The following TGM4 variants were observed in gnomAD, a reference collection of about 807,000 sequenced individuals.
The protein encoded by TGM4 is protein-glutamine gamma-glutamyltransferase 4.
TGM4 carries 61 observed loss-of-function variants against 76.3 expected under a neutral mutation model. That is an observed-to-expected ratio of 0.80 (90% CI 0.65 to 0.99). TGM4 has a LOEUF of 0.99. TGM4 is among the 50% of genes least tolerant of loss of function. The pLI, the probability that TGM4 is intolerant of heterozygous loss-of-function variation, is 0.00. For synonymous variants in TGM4, 337 were observed against 329.8 expected (o/e 1.02, Z -0.24); for missense variants, 794 against 843.2 (o/e 0.94, Z 0.72).
intron 3 of TGM4, among the ~76,000 whole-genome samples, chr3:44,889,518 G>A (rs1443097533): frequency 6.6e-6 from 1 of 152,160 alleles, no homozygotes; most frequent in South Asian, 2.1e-4. Context: ...AAAAAAAAGG[G>A]GGAAGAGTAG....
intron 5 of TGM4, among the ~76,000 whole-genome samples, chr3:44,895,084 C>T (rs999567765): frequency 1.3e-4 from 20 of 151,932 alleles, no homozygotes; most frequent in African/African-American, 4.1e-4. Flanking sequence ...TCATGAGGCC[C>T]GGAGATCGAG....
intron 3 of TGM4, 125 bp from the exon 4 acceptor site, chr3:44,890,478 T>C: frequency 1.4e-6 from 2 of 1,394,942 alleles, no homozygotes; most frequent in South Asian, 2.7e-5. Flanking sequence ...TGACCATTCC[T>C]TGTCTCCAGG....
chr3:44,895,531 G>T (rs1008883423), intron 5 of TGM4, among the ~76,000 whole-genome samples: 31 of 152,238 alleles, frequency 2.0e-4, no homozygotes, highest in African/African-American at 7.5e-4. Context: ...TGTGGGGAGG[G>T]GGGACTGCAG....
chr3:44,909,599 C>T (rs1214082554), intron 10 of TGM4, among the ~76,000 whole-genome samples: 5 of 152,100 alleles, frequency 3.3e-5, no homozygotes, highest in African/African-American at 1.2e-4. Context: ...TTTAGCGGAA[C>T]TCCAAAACCA....
At chr3:44,910,735 G>A (rs764178608) in intron 11 of TGM4, among the ~76,000 whole-genome samples, 4 of 152,198 alleles carry the variant, frequency 2.6e-5, no homozygotes, top group Non-Finnish European at 5.9e-5. Context: ...TGATGACAAC[G>A]GGTAATGTCT....
At chr3:44,900,372 G>C (rs1474523030) in intron 6 of TGM4, among the ~76,000 whole-genome samples, 1 of 152,140 alleles carries the variant, frequency 6.6e-6, no homozygotes, top group Non-Finnish European at 1.5e-5. Context: ...GTCTGGCGGT[G>C]GCCTCTGCTC....
chr3:44,897,922 T>A (rs377338285), intron 6 of TGM4, among the ~76,000 whole-genome samples: 1 of 152,338 alleles, frequency 6.6e-6, no homozygotes. Flanking sequence ...TCATATCTGC[T>A]TCTGCATTCA....
At chr3:44,901,468 C>A in intron 6 of TGM4, 56 bp from the exon 7 acceptor site, 1 of 1,530,162 alleles carries the variant, frequency 6.5e-7, no homozygotes. Context: ...GCTGGGCTGG[C>A]AGCACCTTGT....
Position 44,907,011 on chromosome 3 carries a change from T to C in TGM4, c.1138T>C (p.Tyr380His), listed in dbSNP as rs1206022116. 2.5e-6 allele frequency: 4 copies of C among 1,614,134 alleles called. No individual in the cohort carries two copies. In the Admixed American group the frequency reaches 6.7e-5, roughly 27 times the overall value. ...CCGCAAAGGTGACATCTTTATTGTC[T>C]ATGACACCAGATTCGTCTTCTCAGA... is the stretch of plus-strand genomic sequence containing the variant. ...AIRKGDIFIV[Y>H]DTRFVFSEVN... The change falls in exon 10 of 14, where the codon TAT (tyrosine) becomes CAT (histidine). Residue 380 changes from tyrosine (Y) to histidine (H), a missense_variant. By Grantham distance (83) the Tyr-to-His change is moderately conservative. Transcript: ENST00000296125.
At chr3:44,898,552 C>T (rs998499592) in intron 6 of TGM4, among the ~76,000 whole-genome samples, 2 of 152,228 alleles carry the variant, frequency 1.3e-5, no homozygotes, top group Admixed American at 1.3e-4. Flanking sequence ...GAGGACCACT[C>T]TCCAAAGGTC....
Position 44,901,794 on chromosome 3 carries a change from G to T in TGM4, c.834G>T (p.Val278=), listed in dbSNP as rs753529626. 1 of 1,613,952 alleles carries T rather than the reference G, an allele frequency of 6.2e-7. No individual in the cohort carries two copies. The highest frequency in any genetic ancestry group is 8.5e-7 in the Non-Finnish European group (1 of 1,179,992). ...CCACCCCACCCTGGATCATTTCAGT[G>T]CTGAGAGCGTTGGGCATCCCAGCAC... ...CWVFAGILTT[V]LRALGIPARS... The change falls in exon 8 of 14, where the codon GTG becomes GTT. Residue 278 remains valine, a splice_region_variant and synonymous_variant. Coordinates refer to ENST00000296125, the MANE Select transcript of TGM4 (RefSeq NM_003241.4).
At chr3:44,890,380 G>A (rs947269413) in intron 3 of TGM4, 3 of 519,222 alleles carry the variant, frequency 5.8e-6, no homozygotes, top group African/African-American at 5.7e-5. Context: ...GCCCTTGCAA[G>A]ACGTGCCAAA....
chr3:44,899,880 A>ATC (rs1433489821), intron 6 of TGM4, among the ~76,000 whole-genome samples: 2 of 152,172 alleles, frequency 1.3e-5, no homozygotes, highest in African/African-American at 4.8e-5. Flanking sequence ...CTTCCATCAG[A>ATC]GTGAGCAAAT....
chr3:44,903,776 C>A (rs1699885043), intron 8 of TGM4, 108 bp from the exon 9 acceptor site: 2 of 1,033,520 alleles, frequency 1.9e-6, no homozygotes, highest in African/African-American at 3.1e-5. Flanking sequence ...CTGAGAACAA[C>A]CTCAGTGGGT....
At chr3:44,891,056 A>G (rs1465170356) in intron 4 of TGM4, among the ~76,000 whole-genome samples, 1 of 152,200 alleles carries the variant, frequency 6.6e-6, no homozygotes, top group South Asian at 2.1e-4. Flanking sequence ...TGCCAGCTCC[A>G]GGTCAGGGCC....
Position 44,913,773 on chromosome 3 carries a change from C to T in TGM4, c.*48C>T. ...TTAGTTGAGATTTCAGCATTTCCTA[C>T]CTTGTGCTTAGCTTTCAGATTATGG... On this transcript the variant is annotated 3_prime_UTR_variant, in exon 14 of 14. Transcript: ENST00000296125. The T allele has an allele frequency of 1.9e-6, 3 of 1,582,976 alleles. No individual in the cohort carries two copies. Among genetic ancestry groups the T allele is most frequent in the Non-Finnish European group, 2.6e-6 (3 of 1,166,854 alleles).
chr3:44,890,701 C>A lies in TGM4; in HGVS notation c.399C>A (p.Ile133=), dbSNP rs1221883800. 4 of 1,614,068 alleles carry A rather than the reference C, an allele frequency of 2.5e-6. No homozygotes were observed. Among genetic ancestry groups the A allele is most frequent in the African/African-American group, 2.7e-5 (2 of 74,938 alleles). ...ACATCCTTAAGTCTGAAGAAAACAT[C>A]CTATACCTTCTCTTCAACCCATGGT... is the stretch of plus-strand genomic sequence containing the variant. ...GNHILKSEEN[I]LYLLFNPWCK... Residue 133 remains isoleucine, a synonymous_variant, in exon 4 of 14, where the codon ATC becomes ATA. Coordinates refer to ENST00000296125, the MANE Select transcript of TGM4 (RefSeq NM_003241.4).
At position 44,895,310 on chromosome 3, in the gene TGM4, A is replaced by G. The variant is rs541891701; in HGVS notation, c.550-1399A>G. Among the ~76,000 whole-genome samples the G allele has an allele frequency of 1.4e-3, 211 of 151,972 alleles. 2 individuals carry two copies. Among genetic ancestry groups the G allele is most frequent in the African/African-American group, 4.5e-3 (188 of 41,428 alleles). ...ACTCCATCTTGAAAAAGAAAAAAAG[A>G]AAATCAAGCGGTGATTTTAAGAAGC... On this transcript the variant is annotated intron_variant, in intron 5 of 13. Transcript: ENST00000296125.
At position 44,914,672 on chromosome 3, in the gene TGM4, C is replaced by T. The variant is rs1700059727; in HGVS notation, c.*947C>T. On this transcript the variant is annotated 3_prime_UTR_variant, in exon 14 of 14. Coordinates refer to ENST00000296125, the MANE Select transcript of TGM4 (RefSeq NM_003241.4). Reference sequence around the variant, plus strand: ...TAAATGTGCTGGCGGTTTATGCAGTCACTTGGGGAGCCATGGAATCCTTTG... The same window carrying T: ...TAAATGTGCTGGCGGTTTATGCAGTTACTTGGGGAGCCATGGAATCCTTTG... The T allele has an allele frequency of 6.6e-6, 1 of 152,142 alleles. No individual in the cohort carries two copies. The allele number at this position is 152,142 out of a possible 1,614,324, so 9.4% of individuals were successfully genotyped here.
Sources: gnomAD v4.1 joint callset for allele counts (sites outside exome capture counted in the v4.1 genomes callset) on GRCh38, gnomAD v4.1.1 for gene constraint, MANE v1.5 for transcripts, NCBI Gene and HGNC (gene_info 2026-07-23, HGNC 2026-07-21) for gene names.